The following LRRC56 variants were observed in gnomAD, a reference collection of about 807,000 sequenced individuals.
LRRC56 encodes leucine rich repeat containing 56, also known as leucine-rich repeat-containing protein 56.
In LRRC56, 41 loss-of-function variants were observed where a neutral mutation model predicts 47.8. The ratio of observed to expected loss-of-function variants is 0.86; its 90% CI spans 0.67 to 1.11. The LOEUF (loss-of-function observed/expected upper bound fraction) is 1.11. Among genes scored for constraint, LRRC56 ranks in the 50% most tolerant of loss-of-function variants. The pLI, the probability that LRRC56 is intolerant of heterozygous loss-of-function variation, is 0.00. For missense variants in LRRC56, 759 were observed against 704.2 expected, an observed-to-expected ratio of 1.08 and a Z score of -0.88; for synonymous variants, 387 against 311.2, an observed-to-expected ratio of 1.24 and a Z score of -2.56.
At chr11:522,252 GT>G in the LRRC56 span, among the ~76,000 whole-genome samples, 1 of 151,072 alleles carries the variant, frequency 6.6e-6, no homozygotes, top group Admixed American at 6.6e-5. Flanking sequence ...CTGATTTCTG[GT>G]TTTTTTGTTT....
chr11:537,944 G>A (rs962463115), intron 1 of LRRC56, among the ~76,000 whole-genome samples: 1 of 152,178 alleles, frequency 6.6e-6, no homozygotes, highest in African/African-American at 2.4e-5. Flanking sequence ...GTGAAGGGGC[G>A]AGGGCAGCAG....
At chr11:546,887 C>G (rs952409366) in intron 6 of LRRC56, among the ~76,000 whole-genome samples, 8 of 151,542 alleles carry the variant, frequency 5.3e-5, no homozygotes, top group Non-Finnish European at 1.0e-4. Context: ...CCCATCTCTA[C>G]TAAAAATACA....
chr11:533,706 G>C (rs530529842), upstream of LRRC56: 1 of 1,610,678 alleles, frequency 6.2e-7, no homozygotes, highest in Non-Finnish European at 8.5e-7. Flanking sequence ...CTGCCTGGAC[G>C]CAGCCGGCCT....
intron 5 of LRRC56, among the ~76,000 whole-genome samples, chr11:543,962 A>G (rs1209669569): frequency 6.6e-6 from 1 of 151,930 alleles, no homozygotes; most frequent in Non-Finnish European, 1.5e-5. Flanking sequence ...GTTAACCAGG[A>G]TGGTCTCGAT....
chr11:530,428 A>G, the LRRC56 span, among the ~76,000 whole-genome samples: 24 of 138,216 alleles, frequency 1.7e-4, no homozygotes, highest in East Asian at 6.7e-4. Context: ...GGAGTGTGGC[A>G]TTCCCTGGAC....
chr11:518,576 G>A, the LRRC56 span, among the ~76,000 whole-genome samples: 3 of 152,086 alleles, frequency 2.0e-5, no homozygotes, highest in East Asian at 1.9e-4. Context: ...GGCCGCCTCC[G>A]CCTCCCAAAG....
chr11:554,615 C>T lies in LRRC56; in HGVS notation c.*339C>T. On this transcript the variant is annotated 3_prime_UTR_variant, in exon 14 of 14. Transcript: ENST00000270115. Reference sequence around the variant, plus strand: ...CCTCTCCTGCTAGAATTGGGCATGGCCGAGGGGCAGGGGCTGGAGCTGCGA... The same window carrying T: ...CCTCTCCTGCTAGAATTGGGCATGGTCGAGGGGCAGGGGCTGGAGCTGCGA... The T allele has an allele frequency of 9.9e-6, 4 of 403,538 alleles. No individual in the cohort carries two copies. The highest frequency in any genetic ancestry group is 1.8e-5 in the Non-Finnish European group (4 of 226,054). 25.0% of individuals were successfully genotyped at this position (403,538 alleles called of 1,614,324 possible).
rs7944915 is a variant in LRRC56 at position 547,556 on chromosome 11, G to A, written c.327-2346G>A. ...TTTAGTAGAGACGAGGTTTCACCAC[G>A]TTGGCCAGGATGGTCTCGATCTCCT... On this transcript the variant is annotated intron_variant, in intron 6 of 13. Coordinates refer to ENST00000270115, the MANE Select transcript of LRRC56 (RefSeq NM_198075.4). 8.6e-5 allele frequency among the ~76,000 whole-genome samples: 13 copies of A among 151,392 alleles called. No homozygotes were observed. In the South Asian group the frequency reaches 1.3e-3, roughly 15 times the overall value.
chr11:533,535 C>T (rs730880464), upstream of LRRC56: 1 of 1,613,836 alleles, frequency 6.2e-7, no homozygotes, highest in Non-Finnish European at 8.5e-7. Context: ...TTCCACAGTG[C>T]GTGCAGCCAG....
the LRRC56 span, among the ~76,000 whole-genome samples, chr11:508,087 G>A: frequency 1.3e-5 from 2 of 152,262 alleles, no homozygotes; most frequent in African/African-American, 4.8e-5. Flanking sequence ...TTTGGCAGAT[G>A]AAGATTGCAA....
intron 5 of LRRC56, 82 bp from the exon 6 acceptor site, chr11:544,638 G>A (rs1851982278): frequency 7.0e-7 from 1 of 1,422,650 alleles, no homozygotes; most frequent in East Asian, 2.3e-5. Flanking sequence ...GGCCGGGGGT[G>A]CTGATGCCTA....
chr11:536,539 G>A (rs751487799), upstream of LRRC56, among the ~76,000 whole-genome samples: 8 of 152,234 alleles, frequency 5.3e-5, no homozygotes, highest in African/African-American at 1.2e-4. Context: ...GGAGGCCTAA[G>A]CGGGTGGATT....
chr11:533,281 C>G (rs1226835781), upstream of LRRC56: 1 of 1,589,626 alleles, frequency 6.3e-7, no homozygotes, highest in Non-Finnish European at 8.5e-7. Context: ...ACTTACAGCG[C>G]GAGGGGCCGC....
intron 13 of LRRC56, 117 bp from the exon 14 acceptor site, chr11:553,846 C>A (rs930266580): frequency 3.6e-6 from 3 of 827,110 alleles, no homozygotes; most frequent in Non-Finnish European, 5.8e-6. Flanking sequence ...TGCCTGTGGA[C>A]CCCCAAGGAC....
chr11:521,328 T>G, the LRRC56 span, among the ~76,000 whole-genome samples: 1 of 152,144 alleles, frequency 6.6e-6, no homozygotes, highest in Non-Finnish European at 1.5e-5. Context: ...TTCCTACCCT[T>G]TGCTTTGTGC....
the LRRC56 span, among the ~76,000 whole-genome samples, chr11:522,696 C>T: frequency 2.0e-4 from 31 of 152,154 alleles, no homozygotes; most frequent in African/African-American, 6.7e-4. Context: ...ACCTCACCTG[C>T]CCTTTTTTTG....
chr11:550,014 C>T lies in LRRC56; in HGVS notation c.423+16C>T. ...AGCACTTAAGGTGAGTCTGGGCACC[C>T]TGGGCTGGGGAGGCCTGGGCTGGGC... On this transcript the variant is annotated intron_variant, in intron 7 of 13. Coordinates refer to ENST00000270115, the MANE Select transcript of LRRC56 (RefSeq NM_198075.4). 2.5e-6 allele frequency: 4 copies of T among 1,611,822 alleles called. No individual in the cohort carries two copies. The highest frequency in any genetic ancestry group is 1.7e-6 in the Non-Finnish European group (2 of 1,179,190).
the LRRC56 span, among the ~76,000 whole-genome samples, chr11:527,804 G>A: frequency 5.5e-5 from 8 of 145,244 alleles, no homozygotes; most frequent in Non-Finnish European, 1.1e-4. Context: ...GGGTTCAATC[G>A]ATTCTCCTGC....
intron 12 of LRRC56, 108 bp downstream of exon 12, chr11:552,340 C>T (rs1355071660): frequency 1.4e-6 from 2 of 1,441,226 alleles, no homozygotes; most frequent in Admixed American, 4.0e-5. Flanking sequence ...CGTGGACCAT[C>T]CCTGCATGTC....
Sources: gnomAD v4.1 joint callset for allele counts (sites outside exome capture counted in the v4.1 genomes callset) on GRCh38, gnomAD v4.1.1 for gene constraint, MANE v1.5 for transcripts, NCBI Gene and HGNC (gene_info 2026-07-23, HGNC 2026-07-21) for gene names.